KHDRBS3: variants seen among roughly 807,000 people sequenced by gnomAD.
The protein encoded by KHDRBS3 is KH domain-containing, RNA-binding, signal transduction-associated protein 3.
KHDRBS3 carries 23 observed loss-of-function variants against 45.6 expected under a neutral mutation model. The observed-to-expected ratio is 0.50, with a 90% CI of 0.36 to 0.72. The LOEUF (loss-of-function observed/expected upper bound fraction) is 0.72. Ranked by LOEUF, KHDRBS3 falls within the 30% of genes least tolerant of loss-of-function variation. The probability of loss-of-function intolerance (pLI) is 0.00; values close to 1 mark genes in which losing one functional copy is unlikely to be tolerated. For missense variants in KHDRBS3, 352 were observed against 424.8 expected (o/e 0.83, Z 1.51); for synonymous variants, 162 against 156.5 (o/e 1.04, Z -0.26).
Position 135,647,081 on chromosome 8 carries a change from C to T in KHDRBS3, c.1038C>T (p.Tyr346=). 6.4e-7 allele frequency: 1 copy of T among 1,558,748 alleles called. No homozygotes were observed. Among genetic ancestry groups the T allele is most frequent in the South Asian group, 1.1e-5 (1 of 89,958 alleles). ...GVYRDQPYGR[Y] ...ACAGAGACCAGCCATATGGCAGATA[C>T]TGATTGTACTGTCTGATGTTGTGAA... The change falls in exon 9 of 9, where the codon TAC becomes TAT. Residue 346 remains tyrosine, a synonymous_variant. Transcript: ENST00000355849.
intron 1 of KHDRBS3, among the ~76,000 whole-genome samples, chr8:135,520,828 G>T (rs1000123791): frequency 1.2e-4 from 19 of 152,296 alleles, no homozygotes; most frequent in African/African-American, 3.4e-4. Flanking sequence ...ATCAGTTCTT[G>T]GTTGTAGAAG....
chr8:135,471,663 C>T (rs985975522), intron 1 of KHDRBS3, among the ~76,000 whole-genome samples: 5 of 152,254 alleles, frequency 3.3e-5, no homozygotes, highest in East Asian at 1.9e-4. Context: ...GTGGTAGAAA[C>T]GTCCTGGGCT....
intron 1 of KHDRBS3, among the ~76,000 whole-genome samples, chr8:135,509,855 A>C (rs1824184015): frequency 6.6e-6 from 1 of 151,974 alleles, no homozygotes; most frequent in African/African-American, 2.4e-5. Context: ...TTTTAAATGT[A>C]TCTGGATTTG....
At chr8:135,567,900 C>T (rs1465954570) in intron 5 of KHDRBS3, among the ~76,000 whole-genome samples, 1 of 152,192 alleles carries the variant, frequency 6.6e-6, no homozygotes, top group African/African-American at 2.4e-5. Context: ...TGAAGGGTAG[C>T]ACATAGAAAA....
chr8:135,468,410 C>T (rs1796916703), intron 1 of KHDRBS3, among the ~76,000 whole-genome samples: 1 of 152,132 alleles, frequency 6.6e-6, no homozygotes. Flanking sequence ...TCATGGACAG[C>T]TGGGAAGTAG....
At chr8:135,554,964 G>A (rs1826800645) in intron 4 of KHDRBS3, among the ~76,000 whole-genome samples, 1 of 152,026 alleles carries the variant, frequency 6.6e-6, no homozygotes, top group South Asian at 2.1e-4. Context: ...GATCCTTTCT[G>A]TCTCGTTTTC....
At chr8:135,481,315 G>T (rs1822567432) in intron 1 of KHDRBS3, among the ~76,000 whole-genome samples, 1 of 142,666 alleles carries the variant, frequency 7.0e-6, no homozygotes, top group Admixed American at 7.1e-5. Context: ...TATCTTATGT[G>T]CATATCAACT....
At chr8:135,538,924 A>C (rs919907556) in intron 2 of KHDRBS3, 2 of 152,252 alleles carry the variant, frequency 1.3e-5, no homozygotes, top group African/African-American at 4.8e-5. Context: ...TTTCTTTAAA[A>C]AAAGGAAAAC....
In KHDRBS3 at chr8:135,457,829, G is replaced by A. The variant is rs1251500247; in HGVS notation, c.-38G>A. The A allele has an allele frequency of 2.1e-6, 3 of 1,441,328 alleles. No individual in the cohort carries two copies. The highest frequency in any genetic ancestry group is 1.5e-5 in the African/African-American group (1 of 67,322). 89.3% of individuals were successfully genotyped at this position (1,441,328 alleles called of 1,614,324 possible). ...GGTTGCCGGGCGCCGCCCCCCGTGC[G>A]CCTGGAGTCCACATCCCGGGCCCGG... On this transcript the variant is annotated 5_prime_UTR_variant, in exon 1 of 9. Transcript: ENST00000355849. The surrounding 1 kb of genome is among the most constrained non-coding windows in gnomAD (Gnocchi z 4.4).
At chr8:135,465,459 T>C (rs1285500973) in intron 1 of KHDRBS3, among the ~76,000 whole-genome samples, 1 of 152,208 alleles carries the variant, frequency 6.6e-6, no homozygotes, top group Non-Finnish European at 1.5e-5. Context: ...TTTTATGTTG[T>C]TAGAATTATT....
intron 6 of KHDRBS3, among the ~76,000 whole-genome samples, chr8:135,599,454 T>A (rs899116128): frequency 2.6e-5 from 4 of 152,170 alleles, no homozygotes; most frequent in Non-Finnish European, 5.9e-5. Flanking sequence ...TATAGGTGAG[T>A]TCTTGTCATC....
At chr8:135,475,195 A>G (rs1304849338) in intron 1 of KHDRBS3, among the ~76,000 whole-genome samples, 1 of 152,174 alleles carries the variant, frequency 6.6e-6, no homozygotes, top group Non-Finnish European at 1.5e-5. Context: ...TAACATTTAC[A>G]GGTTCTGGAG....
At chr8:135,542,314 A>G (rs1332909582) in intron 2 of KHDRBS3, 1 of 196,406 alleles carries the variant, frequency 5.1e-6, no homozygotes, top group East Asian at 1.4e-4. Flanking sequence ...TCTCACCTAC[A>G]TTCTCATCCT....
rs1181989886 is a variant in KHDRBS3, at chr8:135,540,942, G to C, written c.208-1712G>C. On this transcript the variant is annotated intron_variant, in intron 2 of 8. Transcript: ENST00000355849. Reference sequence around the variant, plus strand: ...CCAGCTCACAAAATGGGGAAGGGGAGACTCTTGGAAGAAGCAGATACTTTA... The same window carrying C: ...CCAGCTCACAAAATGGGGAAGGGGACACTCTTGGAAGAAGCAGATACTTTA... 2.0e-5 allele frequency: 3 copies of C among 152,294 alleles called. No individual in the cohort carries two copies. The South Asian group carries it at 6.2e-4, about 32-fold the overall frequency. 9.4% of individuals were successfully genotyped at this position (152,294 alleles called of 1,614,324 possible).
At chr8:135,573,863 A>G (rs1229523641) in intron 5 of KHDRBS3, among the ~76,000 whole-genome samples, 1 of 152,206 alleles carries the variant, frequency 6.6e-6, no homozygotes, top group African/African-American at 2.4e-5. Flanking sequence ...ACCCAAAAAG[A>G]AAGAATTATT....
intron 3 of KHDRBS3, among the ~76,000 whole-genome samples, chr8:135,542,978 A>G (rs567875077): frequency 5.3e-5 from 8 of 152,330 alleles, no homozygotes; most frequent in African/African-American, 1.9e-4. Flanking sequence ...TAAAAACATA[A>G]TACTTAAAGT....
At chr8:135,638,372 A>T (rs1288270283) in intron 7 of KHDRBS3, among the ~76,000 whole-genome samples, 1 of 152,222 alleles carries the variant, frequency 6.6e-6, no homozygotes, top group Non-Finnish European at 1.5e-5. Context: ...ACCTAATAGT[A>T]TATTGTGTCC....
intron 2 of KHDRBS3, among the ~76,000 whole-genome samples, chr8:135,528,216 TG>T (rs1261062304): frequency 2.6e-5 from 4 of 152,244 alleles, no homozygotes; most frequent in African/African-American, 9.6e-5. Context: ...GTGATATATT[TG>T]TTCTCTTCAT....
At chr8:135,568,050 T>C (rs562044480) in intron 5 of KHDRBS3, among the ~76,000 whole-genome samples, 1 of 152,340 alleles carries the variant, frequency 6.6e-6, no homozygotes, top group African/African-American at 2.4e-5. Flanking sequence ...AGTCAAAGCA[T>C]GCCCTGTGTA....
Sources: gnomAD v4.1 joint callset for allele counts (sites outside exome capture counted in the v4.1 genomes callset) on GRCh38, gnomAD v4.1.1 for gene constraint, Gnocchi (gnomAD v3.1) non-coding constraint, MANE v1.5 for transcripts, NCBI Gene and HGNC (gene_info 2026-07-23, HGNC 2026-07-21) for gene names.